PDE7B: variants seen among roughly 807,000 people sequenced by gnomAD.
The protein encoded by PDE7B is 3',5'-cyclic-AMP phosphodiesterase 7B.
A neutral mutation model predicts 56.2 loss-of-function variants in PDE7B; 29 were observed. The ratio of observed to expected loss-of-function variants is 0.52; its 90% CI spans 0.38 to 0.70. PDE7B has a LOEUF of 0.70. Ranked by LOEUF, PDE7B falls within the 30% of genes least tolerant of loss-of-function variation. The probability of loss-of-function intolerance (pLI) is 0.00; values close to 1 mark genes in which losing one functional copy is unlikely to be tolerated. For missense variants in PDE7B, 490 were observed against 565.0 expected (o/e 0.87, Z 1.35); for synonymous variants, 197 against 196.9 (o/e 1.00, Z 0.00).
chr6:135,964,560 T>A (rs557903047), intron 2 of PDE7B, among the ~76,000 whole-genome samples: 10 of 152,194 alleles, frequency 6.6e-5, no homozygotes, highest in Non-Finnish European at 1.3e-4. Flanking sequence ...TGTACAATTA[T>A]AAAGTAATGA....
At chr6:136,061,820 CA>C in intron 2 of PDE7B, among the ~76,000 whole-genome samples, 1 of 152,332 alleles carries the variant, frequency 6.6e-6, no homozygotes, top group East Asian at 1.9e-4. Flanking sequence ...ACTCTATACC[CA>C]GTGCTGAATC....
chr6:136,066,028 T>A (rs1267359492), intron 2 of PDE7B, among the ~76,000 whole-genome samples: 1 of 142,198 alleles, frequency 7.0e-6, no homozygotes, highest in Admixed American at 7.1e-5. Context: ...GTGATTTCCA[T>A]AAAGGCTTTT....
At chr6:136,005,284 A>G (rs1462118308) in intron 2 of PDE7B, among the ~76,000 whole-genome samples, 1 of 152,248 alleles carries the variant, frequency 6.6e-6, no homozygotes, top group Non-Finnish European at 1.5e-5. Context: ...CATTCAGGAC[A>G]TAGGCATGGG....
chr6:135,856,400 T>C (rs1775027583), intron 1 of PDE7B, among the ~76,000 whole-genome samples: 1 of 152,254 alleles, frequency 6.6e-6, no homozygotes, highest in South Asian at 2.1e-4. Context: ...CTGGATTTTC[T>C]ATATTACTTC....
chr6:136,174,404 T>C (rs1778944537), intron 9 of PDE7B, among the ~76,000 whole-genome samples: 1 of 152,204 alleles, frequency 6.6e-6, no homozygotes, highest in African/African-American at 2.4e-5. Flanking sequence ...TAATTTACCT[T>C]ACGTCTCTTG....
At chr6:136,160,509 G>T (rs79586722) in intron 8 of PDE7B, among the ~76,000 whole-genome samples, 17 of 152,058 alleles carry the variant, frequency 1.1e-4, no homozygotes, top group African/African-American at 2.7e-4. Context: ...AAGCCTGCTC[G>T]CCACCCTTTG....
At position 136,167,600 on chromosome 6, in the gene PDE7B, C is replaced by T. The variant is rs1462359107; in HGVS notation, c.712-6197C>T. ...GAACCTCTTTCTTTGGTAAATTGCC[C>T]AGTCTTGGGTATGTCTTTATCAGTA... On this transcript the variant is annotated intron_variant, in intron 8 of 12. Transcript: ENST00000308191. 2.6e-5 allele frequency among the ~76,000 whole-genome samples: 4 copies of T among 152,138 alleles called. No individual in the cohort carries two copies. The East Asian group carries it at 7.7e-4, about 29-fold the overall frequency.
intron 2 of PDE7B, among the ~76,000 whole-genome samples, chr6:135,950,001 A>G (rs966092174): frequency 1.3e-5 from 2 of 152,128 alleles, no homozygotes; most frequent in African/African-American, 4.8e-5. Context: ...AAGTCCTTTG[A>G]AATCTTAGAT....
chr6:135,858,376 C>G (rs1210712421), intron 1 of PDE7B, among the ~76,000 whole-genome samples: 2 of 152,190 alleles, frequency 1.3e-5, no homozygotes, highest in Non-Finnish European at 2.9e-5. Flanking sequence ...TCGTCTCAAA[C>G]TCCTGACCTC....
intron 1 of PDE7B, among the ~76,000 whole-genome samples, chr6:135,900,436 G>A (rs1775979577): frequency 6.6e-6 from 1 of 151,760 alleles, no homozygotes; most frequent in Non-Finnish European, 1.5e-5. Context: ...GTTTTCTCTA[G>A]GTCTTTGATC....
chr6:136,046,842 C>T (rs1776517787), intron 2 of PDE7B, among the ~76,000 whole-genome samples: 1 of 152,204 alleles, frequency 6.6e-6, no homozygotes, highest in Non-Finnish European at 1.5e-5. Context: ...TATTGTCCTT[C>T]TGCAAACTCA....
At chr6:135,875,176 CTTTCT>C (rs1029222947) in intron 1 of PDE7B, among the ~76,000 whole-genome samples, 2 of 151,864 alleles carry the variant, frequency 1.3e-5, no homozygotes, top group African/African-American at 4.8e-5. Context: ...AATGCAATCA[CTTTCT>C]TTTAACTGTC....
At chr6:136,170,665 G>T (rs187121992) in intron 8 of PDE7B, among the ~76,000 whole-genome samples, 1 of 152,062 alleles carries the variant, frequency 6.6e-6, no homozygotes, top group African/African-American at 2.4e-5. Context: ...TTACAGTTAT[G>T]GAAGCTATGA....
intron 1 of PDE7B, among the ~76,000 whole-genome samples, chr6:135,906,373 C>T (rs1296226132): frequency 6.6e-6 from 1 of 152,158 alleles, no homozygotes; most frequent in East Asian, 1.9e-4. Flanking sequence ...TATGATTTTA[C>T]AAAGTTAGGG....
At chr6:136,132,458 C>T (rs1345741003) in intron 3 of PDE7B, among the ~76,000 whole-genome samples, 6 of 152,158 alleles carry the variant, frequency 3.9e-5, no homozygotes, top group African/African-American at 1.4e-4. Context: ...GGTTCCATCC[C>T]TGCTCTGTTA....
chr6:135,892,175 TAA>T (rs1353819850), intron 1 of PDE7B, among the ~76,000 whole-genome samples: 1 of 152,190 alleles, frequency 6.6e-6, no homozygotes, highest in African/African-American at 2.4e-5. Flanking sequence ...TTTGTAGAAA[TAA>T]GTCTCATGAC....
rs1478328530 is a variant in PDE7B, at chr6:135,977,467, C to T, written c.82+29943C>T. ...ACTCAAACAGTCTGCTTTCTCTTGG[C>T]ATTAAGGACACTGCCTCCAAGGCAT... On this transcript the variant is annotated intron_variant, in intron 2 of 12. Coordinates refer to ENST00000308191, the MANE Select transcript of PDE7B (RefSeq NM_018945.4). 2.0e-5 allele frequency among the ~76,000 whole-genome samples: 3 copies of T among 152,254 alleles called. No individual in the cohort carries two copies. The East Asian group carries it at 5.8e-4, about 29-fold the overall frequency.
chr6:136,187,893 T>C (rs185504524), intron 12 of PDE7B, among the ~76,000 whole-genome samples: 1 of 152,310 alleles, frequency 6.6e-6, no homozygotes, highest in African/African-American at 2.4e-5. Flanking sequence ...TTCCCTTCCA[T>C]TGAATCCGAA....
intron 2 of PDE7B, among the ~76,000 whole-genome samples, chr6:135,971,938 T>C (rs1243666548): frequency 2.0e-5 from 3 of 152,138 alleles, no homozygotes; most frequent in Non-Finnish European, 4.4e-5. Context: ...CATAACGCTA[T>C]AGTAAACAGG....
Sources: gnomAD v4.1 joint callset for allele counts (sites outside exome capture counted in the v4.1 genomes callset) on GRCh38, gnomAD v4.1.1 for gene constraint, MANE v1.5 for transcripts, NCBI Gene and HGNC (gene_info 2026-07-23, HGNC 2026-07-21) for gene names.